CEP290: variants seen among roughly 807,000 people sequenced by gnomAD.
CEP290 encodes centrosomal protein of 290 kDa.
Under a neutral mutation model 344.9 loss-of-function variants are expected in CEP290, and 317 were observed. The observed-to-expected ratio is 0.92, with a 90% CI of 0.84 to 1.01. The LOEUF (loss-of-function observed/expected upper bound fraction) is 1.01. Ranked by LOEUF, CEP290 falls within the 50% of genes least tolerant of loss-of-function variation. The probability of loss-of-function intolerance (pLI) is 0.00; values close to 1 mark genes in which losing one functional copy is unlikely to be tolerated. For missense variants in CEP290, 2,754 were observed against 2,761.4 expected (o/e 1.00, Z 0.06); for synonymous variants, 932 against 895.8 (o/e 1.04, Z -0.72).
At chr12:88,087,482 A>T (rs2036668414) in intron 32 of CEP290, among the ~76,000 whole-genome samples, 2 of 152,040 alleles carry the variant, frequency 1.3e-5, no homozygotes, top group African/African-American at 4.8e-5. Flanking sequence ...GCACTTTGGG[A>T]GGCCGAGGCG....
Position 88,111,016 on chromosome 12 carries a change from G to A in CEP290, c.2367+186C>T, listed in dbSNP as rs191585186. ...AAATCCATAAAAAATATATTTCACT[G>A]TTACTATTTTGAGAACTCAGGAATA... is the stretch of plus-strand genomic sequence containing the variant. On this transcript the variant is annotated intron_variant, in intron 22 of 53. Transcript: ENST00000552810. Among the ~76,000 whole-genome samples the A allele has an allele frequency of 3.2e-3, 485 of 152,102 alleles. 11 individuals are homozygous for A. The highest frequency in any genetic ancestry group is 6.2e-4 in the Non-Finnish European group (42 of 67,988).
In CEP290 at chr12:88,058,858, C is replaced by T; in HGVS notation, c.6808G>A (p.Val2270Met). The T allele has an allele frequency of 6.2e-7, 1 of 1,613,636 alleles. No individual in the cohort carries two copies. Among genetic ancestry groups the T allele is most frequent in the Non-Finnish European group, 8.5e-7 (1 of 1,179,850 alleles). The change falls in exon 49 of 54, where the codon GTG (valine) becomes ATG (methionine). Residue 2270 changes from valine to methionine, a missense_variant. Physicochemically the swap from Val to Met is conservative, Grantham distance 21. Transcript: ENST00000552810. Reference protein sequence around the residue: ...GADSKSWKSIVVTRMYETKLK... With the variant: ...GADSKSWKSIMVTRMYETKLK... ...AAACTCTGTTCCTACCTTGTAACCA[C>T]AATGGATTTCCAGCTCTTACTGTCA...
At chr12:88,099,662 C>G (rs961315832) in intron 26 of CEP290, among the ~76,000 whole-genome samples, 2 of 151,816 alleles carry the variant, frequency 1.3e-5, no homozygotes, top group African/African-American at 4.8e-5. Flanking sequence ...AGAGGACATG[C>G]TATGATTAAA....
chr12:88,059,940 T>C lies in CEP290; in HGVS notation c.6603A>G (p.Lys2201=). ...GAAGCCTTTCATTTTCAGCAATAAT[T>C]TTTTCTGTGCCTTTGGTCTTGGATT... The part of the protein sequence containing the change: ...HYESKTKGTE[K]IIAENERLRK... Residue 2201 remains lysine (K), a synonymous_variant, in exon 48 of 54, where the codon AAA becomes AAG. Coordinates refer to ENST00000552810, the MANE Select transcript of CEP290 (RefSeq NM_025114.4). 6.3e-7 allele frequency: 1 copy of C among 1,594,242 alleles called. No individual in the cohort carries two copies.
chr12:88,115,009 A>G (rs1408411722), intron 19 of CEP290, 89 bp downstream of exon 19: 1 of 678,044 alleles, frequency 1.5e-6, no homozygotes, highest in Non-Finnish European at 2.5e-6. Context: ...CAGATTAGAA[A>G]ACAGAGAATG....
chr12:88,101,818 A>C (rs1370756758), intron 26 of CEP290, among the ~76,000 whole-genome samples: 6 of 152,180 alleles, frequency 3.9e-5, no homozygotes, highest in Admixed American at 1.3e-4. Context: ...GAATGGAAAA[A>C]AATAAATTAT....
chr12:88,115,020 T>A (rs2038953598), intron 19 of CEP290, 78 bp downstream of exon 19: 1 of 713,424 alleles, frequency 1.4e-6, no homozygotes, highest in Non-Finnish European at 2.4e-6. Flanking sequence ...ACAGAGAATG[T>A]GTTAACGCCC....
chr12:88,069,541 G>A (rs558387071), intron 43 of CEP290, among the ~76,000 whole-genome samples: 1 of 152,262 alleles, frequency 6.6e-6, no homozygotes, highest in South Asian at 2.1e-4. Context: ...TGGAACAAGA[G>A]AGTAACTATA....
intron 7 of CEP290, 76 bp downstream of exon 7, chr12:88,131,089 A>G: frequency 8.5e-7 from 1 of 1,170,940 alleles, no homozygotes; most frequent in Non-Finnish European, 1.2e-6. Context: ...TGGTTAAAAT[A>G]TAAATTTATG....
chr12:88,055,166 A>G (rs1005642262), intron 50 of CEP290, among the ~76,000 whole-genome samples: 3 of 152,124 alleles, frequency 2.0e-5, no homozygotes, highest in Non-Finnish European at 2.9e-5. Flanking sequence ...ATGTTTTAAA[A>G]GGGTTACCTG....
chr12:88,070,118 G>T (rs1445347355), intron 43 of CEP290, among the ~76,000 whole-genome samples: 1 of 152,078 alleles, frequency 6.6e-6, no homozygotes, highest in Non-Finnish European at 1.5e-5. Context: ...AATCTCAAAG[G>T]CTCTGCTAAG....
At chr12:88,123,539 C>T (rs900238476) in intron 13 of CEP290, among the ~76,000 whole-genome samples, 2 of 152,072 alleles carry the variant, frequency 1.3e-5, no homozygotes, top group African/African-American at 2.4e-5. Context: ...TCAGGGCTCT[C>T]CATACTCCTG....
intron 49 of CEP290, among the ~76,000 whole-genome samples, chr12:88,057,060 C>T (rs765033886): frequency 6.6e-6 from 1 of 152,074 alleles, no homozygotes; most frequent in Admixed American, 6.5e-5. Flanking sequence ...ACGAAAAACA[C>T]GTATATGATC....
chr12:88,089,243 TGTC>T lies in CEP290; in HGVS notation c.3815_3817del (p.Arg1272del). 1.9e-6 allele frequency: 3 copies of T among 1,613,948 alleles called. No individual in the cohort carries two copies. The highest frequency in any genetic ancestry group is 2.5e-6 in the Non-Finnish European group (3 of 1,179,854). On this transcript the variant is annotated inframe_deletion, in exon 31 of 54. Transcript: ENST00000552810. ...TGCCAAGGGTAAAGCTCCACTAAAC[TGTC>T]GTCGTAGAGACTGAATTGTTTGGCG...
intron 1 of CEP290, 75 bp from the exon 2 acceptor site, chr12:88,141,409 T>C: frequency 1.5e-6 from 1 of 674,786 alleles, no homozygotes; most frequent in Non-Finnish European, 2.3e-6. Context: ...TTACATTTTT[T>C]GCAGATTATT....
chr12:88,125,736 G>A (rs1040956090), intron 12 of CEP290, among the ~76,000 whole-genome samples: 23 of 151,822 alleles, frequency 1.5e-4, no homozygotes, highest in Middle Eastern at 6.8e-3. Context: ...ATTCAACTTA[G>A]CTTTTTCCCC....
chr12:88,055,446 T>G, intron 50 of CEP290, 130 bp downstream of exon 50: 1 of 686,158 alleles, frequency 1.5e-6, no homozygotes, highest in Non-Finnish European at 2.2e-6. Context: ...AGCAAATGGG[T>G]GAATGGGGTG....
rs1037011979 is a variant in CEP290, at chr12:88,074,296, G to T, written c.5710-2370C>A. Among the ~76,000 whole-genome samples the T allele has an allele frequency of 3.3e-5, 5 of 152,044 alleles. No homozygotes were observed. The East Asian group carries it at 7.7e-4, about 23-fold the overall frequency. ...TTCATTTTTTCTGAAATATGTACAA[G>T]AATTTTTCTGTACTCCCAGAAATGT... On this transcript the variant is annotated intron_variant, in intron 41 of 53. Coordinates refer to ENST00000552810, the MANE Select transcript of CEP290 (RefSeq NM_025114.4).
In CEP290 at chr12:88,080,349, C is replaced by T; in HGVS notation, c.5059G>A (p.Val1687Ile). Residue 1687 changes from valine (V) to isoleucine (I), a missense_variant, in exon 38 of 54, where the codon GTA (valine) becomes ATA (isoleucine). Val to Ile is a conservative substitution (Grantham distance 29, BLOSUM62 3). Transcript: ENST00000552810. ...TCCAGAAGATACTTTAAATCCTCTA[C>T]TTCCGCTTTTACTTTTTTCACTTCA... ...EDEVKKVKAEVEDLKYLLDQS... is the reference protein window; with the variant it reads ...EDEVKKVKAEIEDLKYLLDQS... The T allele has an allele frequency of 1.9e-6, 3 of 1,613,592 alleles. No individual in the cohort carries two copies. The highest frequency in any genetic ancestry group is 1.1e-5 in the South Asian group (1 of 90,926).
Sources: allele counts gnomAD v4.1 joint callset (sites outside exome capture counted in the v4.1 genomes callset), GRCh38; gene constraint gnomAD v4.1.1; transcripts MANE v1.5; gene names NCBI Gene and HGNC (gene_info 2026-07-23, HGNC 2026-07-21).